Variants in SYN3 observed in about 807,000 individuals in gnomAD.
SYN3 encodes the protein synapsin III, also known as synapsin-3.
In SYN3, 35 loss-of-function variants were observed where a neutral mutation model predicts 65.8. That is an observed-to-expected ratio of 0.53 (90% CI 0.41 to 0.70). SYN3 has a LOEUF of 0.70. SYN3 is among the 30% of genes least tolerant of loss of function. The pLI is 0.00. For synonymous variants in SYN3, 270 were observed against 292.9 expected, an observed-to-expected ratio of 0.92 and a Z score of 0.80; for missense variants, 680 against 749.0, an observed-to-expected ratio of 0.91 and a Z score of 1.08.
intron 1 of SYN3, among the ~76,000 whole-genome samples, chr22:33,031,640 T>A (rs1450724030): frequency 1.3e-5 from 2 of 151,924 alleles, no homozygotes; most frequent in African/African-American, 4.8e-5. Context: ...CTCTTCCCCT[T>A]CTCATTTTCC....
chr22:32,873,592 A>T (rs147674551), intron 4 of SYN3, among the ~76,000 whole-genome samples: 1 of 152,312 alleles, frequency 6.6e-6, no homozygotes, highest in African/African-American at 2.4e-5. Flanking sequence ...CTGATCAGAG[A>T]ACCACATTTT....
chr22:32,815,555 T>C (rs768559753), intron 6 of SYN3, among the ~76,000 whole-genome samples: 19 of 152,326 alleles, frequency 1.2e-4, no homozygotes, highest in Admixed American at 3.9e-4. Flanking sequence ...ATGAAAAAAA[T>C]TGGGACTTAA....
intron 6 of SYN3, among the ~76,000 whole-genome samples, chr22:32,790,400 A>ACT (rs1236415540): frequency 1.4e-4 from 15 of 105,684 alleles, no homozygotes; most frequent in African/African-American, 2.4e-4. Context: ...ATATAATTAA[A>ACT]TTAAACTTTA....
At chr22:32,780,979 C>CCCT (rs1569219327) in intron 6 of SYN3, among the ~76,000 whole-genome samples, 1 of 79,650 alleles carries the variant, frequency 1.3e-5, no homozygotes, top group South Asian at 5.8e-4. Context: ...CCTTCCTTCC[C>CCCT]TCCTTCCTTC....
intron 4 of SYN3, among the ~76,000 whole-genome samples, chr22:32,881,238 G>A (rs1601612014): frequency 6.6e-6 from 1 of 152,182 alleles, no homozygotes. Flanking sequence ...GAGAGGAGTG[G>A]GGGAAGGGGA....
chr22:32,767,124 G>T (rs962818545), intron 6 of SYN3, among the ~76,000 whole-genome samples: 1 of 152,098 alleles, frequency 6.6e-6, no homozygotes, highest in Admixed American at 6.6e-5. Flanking sequence ...GCGCATCAGG[G>T]ATGCTACACA....
intron 3 of SYN3, among the ~76,000 whole-genome samples, chr22:32,938,381 T>C (rs1339429936): frequency 6.6e-6 from 1 of 151,196 alleles, no homozygotes; most frequent in African/African-American, 2.4e-5. Context: ...TACAAAAAAA[T>C]TAGCCAGGCG....
At chr22:32,961,824 C>T (rs1466123779) in intron 3 of SYN3, among the ~76,000 whole-genome samples, 2 of 152,214 alleles carry the variant, frequency 1.3e-5, no homozygotes, top group Non-Finnish European at 2.9e-5. Context: ...TTAGTGTTAA[C>T]TAAAACAGAC....
intron 6 of SYN3, among the ~76,000 whole-genome samples, chr22:32,755,419 C>A (rs1288859239): frequency 2.0e-5 from 3 of 152,298 alleles, no homozygotes; most frequent in African/African-American, 4.8e-5. Flanking sequence ...CGTTACATGG[C>A]AAGATCACCT....
chr22:32,571,642 CAA>C (rs1184564857), intron 7 of SYN3, among the ~76,000 whole-genome samples: 1 of 152,084 alleles, frequency 6.6e-6, no homozygotes, highest in Non-Finnish European at 1.5e-5. Flanking sequence ...AAAATAAAAC[CAA>C]AAGACTATGA....
chr22:32,855,208 C>T (rs2048331370), intron 6 of SYN3, among the ~76,000 whole-genome samples: 1 of 152,174 alleles, frequency 6.6e-6, no homozygotes, highest in African/African-American at 2.4e-5. Flanking sequence ...GCCCCCGTTA[C>T]CAAATCTCAC....
intron 6 of SYN3, among the ~76,000 whole-genome samples, chr22:32,734,450 T>C (rs746697834): frequency 1.3e-5 from 2 of 152,110 alleles, no homozygotes; most frequent in Non-Finnish European, 2.9e-5. Flanking sequence ...GATCCAAGGT[T>C]AACCAGGTCT....
chr22:32,796,826 GC>G (rs2046440134), intron 6 of SYN3, among the ~76,000 whole-genome samples: 1 of 152,130 alleles, frequency 6.6e-6, no homozygotes, highest in Non-Finnish European at 1.5e-5. Flanking sequence ...ACCCAGCTCT[GC>G]CCTGGAAGAC....
intron 1 of SYN3, among the ~76,000 whole-genome samples, chr22:33,054,435 C>T (rs1015319593): frequency 6.6e-6 from 1 of 152,134 alleles, no homozygotes; most frequent in South Asian, 2.1e-4. Context: ...AAAAGCTAGC[C>T]ATTTTAAACT....
intron 6 of SYN3, among the ~76,000 whole-genome samples, chr22:32,615,930 T>C (rs1601766014): frequency 6.6e-6 from 1 of 152,200 alleles, no homozygotes; most frequent in East Asian, 1.9e-4. Context: ...TCTCCCTAAC[T>C]TCTGTGAGTG....
chr22:32,666,260 A>G (rs2147037993), intron 6 of SYN3, among the ~76,000 whole-genome samples: 1 of 152,294 alleles, frequency 6.6e-6, no homozygotes, highest in African/African-American at 2.4e-5. Flanking sequence ...CTTGAACCAC[A>G]TGTCGGAGTG....
chr22:32,631,027 C>T (rs2059739784), intron 6 of SYN3, among the ~76,000 whole-genome samples: 2 of 152,190 alleles, frequency 1.3e-5, no homozygotes, highest in Admixed American at 6.5e-5. Context: ...GGTGTGGTGG[C>T]TCACGCCTGT....
At chr22:32,723,660 C>G (rs1038688506) in intron 6 of SYN3, among the ~76,000 whole-genome samples, 1 of 152,238 alleles carries the variant, frequency 6.6e-6, no homozygotes, top group East Asian at 1.9e-4. Context: ...GCTCTGGGCT[C>G]GGCTCCCAGG....
chr22:33,040,115 C>T (rs1280772576), intron 1 of SYN3, among the ~76,000 whole-genome samples: 1 of 151,548 alleles, frequency 6.6e-6, no homozygotes, highest in East Asian at 1.9e-4. Flanking sequence ...CTGCCCGCCA[C>T]CACACCCAGC....
Sources: gnomAD v4.1 joint callset for allele counts (sites outside exome capture counted in the v4.1 genomes callset) on GRCh38, gnomAD v4.1.1 for gene constraint, MANE v1.5 for transcripts, NCBI Gene and HGNC (gene_info 2026-07-23, HGNC 2026-07-21) for gene names.